ST7: variants seen among roughly 807,000 people sequenced by gnomAD.
ST7 encodes the protein suppressor of tumorigenicity 7 protein.
A neutral mutation model predicts 78.7 loss-of-function variants in ST7; 28 were observed. The observed-to-expected ratio is 0.36, with a 90% CI of 0.26 to 0.49. The LOEUF (loss-of-function observed/expected upper bound fraction) is 0.49, where lower values mean the gene tolerates loss of function less well. Among genes scored for constraint, ST7 ranks in the 20% least tolerant of loss-of-function variants. ST7 has a pLI of 0.99. For missense variants in ST7, 418 were observed against 696.0 expected (o/e 0.60, Z 4.49); for synonymous variants, 247 against 249.6 (o/e 0.99, Z 0.10).
chr7:116,996,861 A>G (rs1486160623), intron 1 of ST7, among the ~76,000 whole-genome samples: 1 of 152,212 alleles, frequency 6.6e-6, no homozygotes, highest in Admixed American at 6.5e-5. Flanking sequence ...AGTTCTGGAG[A>G]CATGAATGTC....
chr7:117,024,687 G>T (rs916340170), intron 1 of ST7, among the ~76,000 whole-genome samples: 6 of 152,174 alleles, frequency 3.9e-5, no homozygotes, highest in Non-Finnish European at 8.8e-5. Flanking sequence ...GCTTTAGTAG[G>T]ATCCCCCAAC....
chr7:117,043,502 A>G (rs535717268), intron 1 of ST7, among the ~76,000 whole-genome samples: 6 of 152,356 alleles, frequency 3.9e-5, no homozygotes, highest in African/African-American at 9.6e-5. Flanking sequence ...TTGATTAAAC[A>G]TAAATTACTT....
intron 1 of ST7, among the ~76,000 whole-genome samples, chr7:117,053,736 A>G (rs10236117): frequency 0.026 from 3,999 of 152,196 alleles, 175 homozygotes; most frequent in African/African-American, 0.089. Flanking sequence ...ATAATTTATG[A>G]TTGGTGGGAA....
rs535282311 is a variant in ST7, at chr7:117,043,876, T to G, written c.152-55886T>G. 1.8e-4 allele frequency among the ~76,000 whole-genome samples: 28 copies of G among 152,376 alleles called. No individual in the cohort carries two copies. In the South Asian group the frequency reaches 4.6e-3, roughly 25 times the overall value. On this transcript the variant is annotated intron_variant, in intron 1 of 15. Coordinates refer to ENST00000323984, the MANE Select transcript of ST7 (RefSeq NM_001369598.1). Reference sequence around the variant, plus strand: ...TTCCAGTTGAGTATTAATGCCTGTTTTGCCTGAAGATGAAGATAATGATCT... The same window carrying G: ...TTCCAGTTGAGTATTAATGCCTGTTGTGCCTGAAGATGAAGATAATGATCT...
At chr7:117,140,689 C>T (rs1490126655) in intron 9 of ST7, among the ~76,000 whole-genome samples, 7 of 151,840 alleles carry the variant, frequency 4.6e-5, no homozygotes, top group Non-Finnish European at 8.8e-5. Flanking sequence ...TATATATATG[C>T]GTGTTTCTTA....
intron 1 of ST7, among the ~76,000 whole-genome samples, chr7:117,078,221 G>A (rs1408614085): frequency 2.6e-5 from 4 of 152,244 alleles, no homozygotes; most frequent in African/African-American, 4.8e-5. Context: ...TGTTCATGTA[G>A]TAGTTTTATA....
chr7:117,093,047 G>A (rs1001265480), intron 1 of ST7, among the ~76,000 whole-genome samples: 5 of 152,124 alleles, frequency 3.3e-5, no homozygotes, highest in Non-Finnish European at 5.9e-5. Flanking sequence ...TTGTTCCCAC[G>A]GTATCTGGTA....
intron 1 of ST7, among the ~76,000 whole-genome samples, chr7:116,957,949 G>A (rs1792600371): frequency 6.6e-6 from 1 of 152,078 alleles, no homozygotes; most frequent in African/African-American, 2.4e-5. Flanking sequence ...CATTCCTTTT[G>A]GAAAACAAAT....
intron 9 of ST7, among the ~76,000 whole-genome samples, chr7:117,161,560 A>C (rs1167427415): frequency 7.0e-6 from 1 of 143,800 alleles, no homozygotes; most frequent in Non-Finnish European, 1.5e-5. Flanking sequence ...GGCACCAGTG[A>C]GTCTGTTTTT....
chr7:116,992,151 A>G (rs1794461679), intron 1 of ST7, among the ~76,000 whole-genome samples: 1 of 152,090 alleles, frequency 6.6e-6, no homozygotes. Flanking sequence ...CTGTAGGTGG[A>G]GCTACTATTC....
intron 1 of ST7, among the ~76,000 whole-genome samples, chr7:116,982,874 G>A (rs1794019740): frequency 6.6e-6 from 1 of 152,148 alleles, no homozygotes; most frequent in African/African-American, 2.4e-5. Flanking sequence ...TTCATATATA[G>A]ATCTATGCAC....
chr7:117,150,033 G>C (rs1806127957), intron 9 of ST7, among the ~76,000 whole-genome samples: 1 of 152,134 alleles, frequency 6.6e-6, no homozygotes, highest in African/African-American at 2.4e-5. Context: ...GGATCAGGTT[G>C]GGAGACAGAG....
At chr7:117,209,728 A>G (rs1324568528) in intron 12 of ST7, 59 bp from the exon 13 acceptor site, 12 of 1,564,792 alleles carry the variant, frequency 7.7e-6, no homozygotes, top group Middle Eastern at 1.7e-4. Context: ...TCTATTTTCA[A>G]TACTGAATTC....
chr7:117,178,749 T>C (rs145287260), intron 10 of ST7, among the ~76,000 whole-genome samples: 1 of 152,326 alleles, frequency 6.6e-6, no homozygotes, highest in African/African-American at 2.4e-5. Context: ...TGGAAAACTG[T>C]TCTATCCTGT....
intron 1 of ST7, among the ~76,000 whole-genome samples, chr7:117,047,710 C>T (rs1373357349): frequency 6.6e-6 from 1 of 152,108 alleles, no homozygotes; most frequent in Non-Finnish European, 1.5e-5. Flanking sequence ...TGTTTGGAGG[C>T]TGGGGATGTT....
intron 1 of ST7, chr7:116,966,218 A>G (rs1793102332): frequency 7.1e-6 from 2 of 282,426 alleles, no homozygotes; most frequent in African/African-American, 4.6e-5. Context: ...TTATTTCCGT[A>G]ATATATGTTG....
At chr7:117,020,444 C>G in intron 1 of ST7, 1 of 728,256 alleles carries the variant, frequency 1.4e-6, no homozygotes, top group Non-Finnish European at 2.1e-6. Context: ...ACAGGAGAAT[C>G]TGGCAGCTGG....
At chr7:117,024,983 G>A (rs1268835403) in intron 1 of ST7, among the ~76,000 whole-genome samples, 1 of 152,126 alleles carries the variant, frequency 6.6e-6, no homozygotes, top group East Asian at 1.9e-4. Context: ...AGGGAGTATG[G>A]TACCATGTTA....
intron 11 of ST7, 66 bp downstream of exon 11, chr7:117,189,459 G>C: frequency 7.6e-7 from 1 of 1,321,578 alleles, no homozygotes; most frequent in Non-Finnish European, 1.0e-6. Context: ...GCCTCTGAGG[G>C]CTTTCTCTGG....
Sources: gnomAD v4.1 joint callset for allele counts (sites outside exome capture counted in the v4.1 genomes callset) on GRCh38, gnomAD v4.1.1 for gene constraint, MANE v1.5 for transcripts, NCBI Gene and HGNC (gene_info 2026-07-23, HGNC 2026-07-21) for gene names.